The following CCDC102A variants were observed in gnomAD, a reference collection of about 807,000 sequenced individuals.
CCDC102A encodes coiled-coil domain-containing protein 102A.
A neutral mutation model predicts 55.5 loss-of-function variants in CCDC102A; 40 were observed. The observed-to-expected ratio is 0.72, with a 90% CI of 0.56 to 0.94. CCDC102A has a LOEUF of 0.94. Among genes scored for constraint, CCDC102A ranks in the 40% least tolerant of loss-of-function variants. CCDC102A has a pLI of 0.00. For missense variants in CCDC102A, 779 were observed against 768.6 expected, an observed-to-expected ratio of 1.01 and a Z score of -0.16; for synonymous variants, 323 against 339.0, an observed-to-expected ratio of 0.95 and a Z score of 0.52.
At chr16:57,532,821 G>C (rs1461595883) in intron 1 of CCDC102A, among the ~76,000 whole-genome samples, 5 of 152,210 alleles carry the variant, frequency 3.3e-5, no homozygotes, top group Admixed American at 1.3e-4. Flanking sequence ...GAGAGCCTGT[G>C]GGGGGAGGGG....
rs575572372 is a variant in CCDC102A at position 57,514,356 on chromosome 16, T to C, written c.1523+985A>G. On this transcript the variant is annotated intron_variant, in intron 8 of 8. Transcript: ENST00000258214. ...CTGGAACTACAGGCACACACCACCA[T>C]GCCTGGCTAAGTTTTGTATTTTTTG... Among the ~76,000 whole-genome samples, 5 of 152,264 alleles carry C rather than the reference T, an allele frequency of 3.3e-5. No homozygotes were observed. The East Asian group carries it at 9.6e-4, about 29-fold the overall frequency.
chr16:57,520,598 A>AAAAT (rs2032031984), intron 4 of CCDC102A, among the ~76,000 whole-genome samples: 1 of 96,222 alleles, frequency 1.0e-5, no homozygotes, highest in Non-Finnish European at 2.2e-5. Context: ...TAACATAAAT[A>AAAAT]AAATAAAATA....
At position 57,525,963 on chromosome 16, in the gene CCDC102A, G is replaced by T; in HGVS notation, c.750C>A (p.Ser250=). ...EDTAATEEEA[S]KLTALRLRLD... ...GCCGTAGCCGCAGGGCGGTCAACTT[G>T]GAGGCCTCCTCCTCCGTGGCAGCTG... The change falls in exon 3 of 9, where the codon TCC becomes TCA. Residue 250 remains serine, a synonymous_variant. Transcript: ENST00000258214. The T allele has an allele frequency of 6.2e-7, 1 of 1,612,438 alleles. No homozygotes were observed.
chr16:57,531,685 G>A (rs997718921), intron 1 of CCDC102A, among the ~76,000 whole-genome samples: 5 of 151,998 alleles, frequency 3.3e-5, no homozygotes, highest in African/African-American at 7.3e-5. Flanking sequence ...AGCAGGAGCC[G>A]CAAGCCACTG....
chr16:57,517,070 A>G lies in CCDC102A; in HGVS notation c.1249-607T>C, dbSNP rs150262348. On this transcript the variant is annotated intron_variant, in intron 6 of 8. Transcript: ENST00000258214. ...CTCTCTTGTTGTCCAGGGAATGTCA[A>G]CAGCTTCCCCCCAGCCTGTCTTCCC... Among the ~76,000 whole-genome samples the G allele has an allele frequency of 4.5e-3, 677 of 152,078 alleles. 1 individual carries two copies. Among genetic ancestry groups the G allele is most frequent in the South Asian group, 0.018 (88 of 4,810 alleles).
At position 57,516,327 on chromosome 16, in the gene CCDC102A, T is replaced by C. The variant is rs1280341034; in HGVS notation, c.1385A>G (p.Glu462Gly). The C allele has an allele frequency of 6.2e-7, 1 of 1,607,206 alleles. No individual in the cohort carries two copies. The highest frequency in any genetic ancestry group is 1.1e-5 in the South Asian group (1 of 91,050). Residue 462 changes from glutamate to glycine, a missense_variant, in exon 7 of 9, where the codon GAG becomes GGG. Glu to Gly is a moderately conservative substitution (Grantham distance 98, BLOSUM62 -2). Coordinates refer to ENST00000258214, the MANE Select transcript of CCDC102A (RefSeq NM_033212.4). The surrounding 1 kb of genome is among the most constrained non-coding windows in gnomAD (Gnocchi z 4.4). Reference sequence around the variant, plus strand: ...AGCCTGGGCCAGCTCCTTCTTGAGCTCCTCCACCCGCAGCCGCAGCTTCTT... The same window carrying C: ...AGCCTGGGCCAGCTCCTTCTTGAGCCCCTCCACCCGCAGCCGCAGCTTCTT... Reference protein sequence around the residue: ...EVKKLRLRVEELKKELAQAED... With the variant: ...EVKKLRLRVEGLKKELAQAED...
Position 57,512,513 on chromosome 16 carries a change from TGCGC to T in CCDC102A, c.*224_*227del, listed in dbSNP as rs540553651. 1.0e-3 allele frequency: 450 copies of T among 429,666 alleles called. 2 individuals are homozygous for T. Among genetic ancestry groups the T allele is most frequent in the African/African-American group, 7.3e-3 (351 of 47,886 alleles). 26.6% of individuals were successfully genotyped at this position (429,666 alleles called of 1,614,324 possible). On this transcript the variant is annotated 3_prime_UTR_variant, in exon 9 of 9. Transcript: ENST00000258214. ...AAATGGGTCCAAAGACTTCTGGGTG[TGCGC>T]GCGCGCGCGCGCGTGTGTGTATATA...
Position 57,518,190 on chromosome 16 carries a change from T to A in CCDC102A, c.1126A>T (p.Lys376Ter). Residue 376 changes from lysine (K) to a stop codon, truncating the protein, a stop_gained, in exon 6 of 9, where the codon AAG becomes TAG. Transcript: ENST00000258214. LOFTEE classifies it high-confidence loss of function. ...TCTCCGACCTGTGCCCGCAGCTTCT[T>A]GTTCTCCCGCTCAAGGCCCAGTTTC... ...TEKLGLEREN[K>*]KLRAQVGDLE... 4 of 1,612,502 alleles carry A rather than the reference T, an allele frequency of 2.5e-6. No individual in the cohort carries two copies. The highest frequency in any genetic ancestry group is 3.4e-6 in the Non-Finnish European group (4 of 1,179,696).
At position 57,515,400 on chromosome 16, in the gene CCDC102A, C is replaced by T; in HGVS notation, c.1464G>A (p.Leu488=). ...TCTCGCTCTGCTCCGTCTGCTCGTC[C>T]AGCGACCGCTGCAGCTTACGTGCCT... ...HNQARKLQRS[L]DEQTEQSENL... The change falls in exon 8 of 9, where the codon CTG becomes CTA. Residue 488 remains leucine, a synonymous_variant. Coordinates refer to ENST00000258214, the MANE Select transcript of CCDC102A (RefSeq NM_033212.4). 1 of 1,609,672 alleles carries T rather than the reference C, an allele frequency of 6.2e-7. No individual in the cohort carries two copies. The highest frequency in any genetic ancestry group is 8.5e-7 in the Non-Finnish European group (1 of 1,179,258).
rs998688497 is a variant in CCDC102A, at chr16:57,518,869, C to T, written c.922-128G>A. The T allele has an allele frequency of 3.0e-5, 20 of 663,588 alleles. No individual in the cohort carries two copies. In the African/African-American group the frequency reaches 3.4e-4, roughly 11 times the overall value. The allele number at this position is 663,588 out of a possible 1,614,324, so 41.1% of individuals were successfully genotyped here. On this transcript the variant is annotated intron_variant, in intron 4 of 8. Transcript: ENST00000258214. ...AGGCAGCGCCCAAATGGGGCAGGCA[C>T]CAGGTATTCCAAACAGACCTCGAAT... is the stretch of plus-strand genomic sequence containing the variant.
intron 1 of CCDC102A, among the ~76,000 whole-genome samples, chr16:57,534,664 A>G (rs117329164): frequency 0.031 from 4,746 of 152,220 alleles, 121 homozygotes; most frequent in Non-Finnish European, 0.046. Context: ...TGATGGATGG[A>G]AGGTACCCCT....
rs375039243 is a variant in CCDC102A at position 57,516,296 on chromosome 16, G to A, written c.1416C>T (p.Asp472=). Residue 472 remains aspartate, a synonymous_variant, in exon 7 of 9, where the codon GAC becomes GAT. Coordinates refer to ENST00000258214, the MANE Select transcript of CCDC102A (RefSeq NM_033212.4). The surrounding 1 kb of genome is among the most constrained non-coding windows in gnomAD (Gnocchi z 4.4). The part of the protein sequence containing the change: ...ELKKELAQAE[D]ELDEAHNQAR... Reference sequence around the variant, plus strand: ...CCTGCCCCTCTGTGGTCCTCACCTCGTCCTCAGCCTGGGCCAGCTCCTTCT... The same window carrying A: ...CCTGCCCCTCTGTGGTCCTCACCTCATCCTCAGCCTGGGCCAGCTCCTTCT... 93 of 1,604,314 alleles carry A rather than the reference G, an allele frequency of 5.8e-5. 1 individual carries two copies. The highest frequency in any genetic ancestry group is 2.7e-4 in the Admixed American group (16 of 60,024).
intron 3 of CCDC102A, among the ~76,000 whole-genome samples, chr16:57,521,404 G>C (rs2146704296): frequency 6.6e-6 from 1 of 152,322 alleles, no homozygotes; most frequent in African/African-American, 2.4e-5. Flanking sequence ...ACATTGTGGG[G>C]AGGTGGTCGG....
rs1304993808 is a variant in CCDC102A, at chr16:57,521,130, G to A, written c.859C>T (p.Leu287Phe). 1 of 1,613,618 alleles carries A rather than the reference G, an allele frequency of 6.2e-7. No individual in the cohort carries two copies. Among genetic ancestry groups the A allele is most frequent in the Non-Finnish European group, 8.5e-7 (1 of 1,179,994 alleles). Reference sequence around the variant, plus strand: ...TCATACTTGATCTTCCACTGGCTGAGCTCCCCCTCTAGCTTCTCAATGTTC... The same window carrying A: ...TCATACTTGATCTTCCACTGGCTGAACTCCCCCTCTAGCTTCTCAATGTTC... ...SRNIEKLEGE[L>F]SQWKIKYEEL... The change falls in exon 4 of 9, where the codon CTC (leucine) becomes TTC (phenylalanine). Residue 287 changes from leucine to phenylalanine, a missense_variant. By Grantham distance (22) the Leu-to-Phe change is conservative. Transcript: ENST00000258214.
At chr16:57,528,104 C>T (rs111374123) in intron 2 of CCDC102A, among the ~76,000 whole-genome samples, 2 of 152,218 alleles carry the variant, frequency 1.3e-5, no homozygotes, top group African/African-American at 4.8e-5. Flanking sequence ...CAGGTACGAG[C>T]CACGTCGTCC....
At position 57,512,634 on chromosome 16, in the gene CCDC102A, G is replaced by A; in HGVS notation, c.*107C>T. 7.2e-7 allele frequency: 1 copy of A among 1,385,338 alleles called. No individual in the cohort carries two copies. Among genetic ancestry groups the A allele is most frequent in the Non-Finnish European group, 9.7e-7 (1 of 1,028,304 alleles). 85.8% of individuals were successfully genotyped at this position (1,385,338 alleles called of 1,614,324 possible). A position where few individuals can be genotyped will look rare whatever the true frequency, so the allele number is the denominator to read the frequency against. On this transcript the variant is annotated 3_prime_UTR_variant, in exon 9 of 9. Coordinates refer to ENST00000258214, the MANE Select transcript of CCDC102A (RefSeq NM_033212.4). ...GGAGAGAAGAAAGTCGGCTGTGGCA[G>A]GGACTGGTCCCAGAGTGAGCCTAGG... is the stretch of plus-strand genomic sequence containing the variant.
chr16:57,534,375 G>A lies in CCDC102A; in HGVS notation c.-148+2125C>T, dbSNP rs148532649. Reference sequence around the variant, plus strand: ...AGAATATTTTGAGCTGACACTTGCTGCAGGCTAGGCCCTCATCAGCCCTGC... The same window carrying A: ...AGAATATTTTGAGCTGACACTTGCTACAGGCTAGGCCCTCATCAGCCCTGC... On this transcript the variant is annotated intron_variant, in intron 1 of 8. Transcript: ENST00000258214. 2.6e-3 allele frequency among the ~76,000 whole-genome samples: 400 copies of A among 152,286 alleles called. 2 individuals carry two copies. Among genetic ancestry groups the A allele is most frequent in the African/African-American group, 9.4e-3 (389 of 41,560 alleles).
Position 57,518,652 on chromosome 16 carries a change from G to T in CCDC102A, c.1011C>A (p.Asp337Glu). Residue 337 changes from aspartate (D) to glutamate (E), a missense_variant, in exon 5 of 9, where the codon GAC (aspartate) becomes GAA (glutamate). Transcript: ENST00000258214. Reference sequence around the variant, plus strand: ...CGCCCCTCAGCTCGGCCATTTTCCGGTCCATGCTGGAGCGTGCACCGAGCT... The same window carrying T: ...CGCCCCTCAGCTCGGCCATTTTCCGTTCCATGCTGGAGCGTGCACCGAGCT... ...EDELGARSSMDRKMAELRGEM... is the reference protein window; with the variant it reads ...EDELGARSSMERKMAELRGEM... 1 of 1,613,730 alleles carries T rather than the reference G, an allele frequency of 6.2e-7. No individual in the cohort carries two copies. Among genetic ancestry groups the T allele is most frequent in the Non-Finnish European group, 8.5e-7 (1 of 1,179,908 alleles).
At position 57,526,091 on chromosome 16, in the gene CCDC102A, G is replaced by C; in HGVS notation, c.622C>G (p.Pro208Ala). ...ELVESLLKSM[P>A]EESEDCWEAR... ...TCCCAGCAGTCCTCAGACTCCTCTG[G>C]CATGCTCTTCAGCAGGCTCTCCACC... Residue 208 changes from proline to alanine, a missense_variant, in exon 3 of 9, where the codon CCA becomes GCA. Pro to Ala is a conservative substitution (Grantham distance 27). Transcript: ENST00000258214. 6.4e-7 allele frequency: 1 copy of C among 1,572,150 alleles called. No homozygotes were observed. The highest frequency in any genetic ancestry group is 8.6e-7 in the Non-Finnish European group (1 of 1,164,648).
Sources: gnomAD v4.1 joint callset for allele counts (sites outside exome capture counted in the v4.1 genomes callset) on GRCh38, gnomAD v4.1.1 for gene constraint, Gnocchi (gnomAD v3.1) non-coding constraint, MANE v1.5 for transcripts, NCBI Gene and HGNC (gene_info 2026-07-23, HGNC 2026-07-21) for gene names.